The following SMURF1 variants were observed in gnomAD, a reference collection of about 807,000 sequenced individuals.
SMURF1 encodes the protein E3 ubiquitin-protein ligase SMURF1.
A neutral mutation model predicts 98.0 loss-of-function variants in SMURF1; 44 were observed. The ratio of observed to expected loss-of-function variants is 0.45; its 90% CI spans 0.35 to 0.58. The LOEUF is 0.58. Ranked by LOEUF, SMURF1 falls within the 20% of genes least tolerant of loss-of-function variation. SMURF1 has a pLI of 0.00. For synonymous variants in SMURF1, 396 were observed against 374.9 expected (o/e 1.06, Z -0.65); for missense variants, 687 against 938.4 (o/e 0.73, Z 3.50).
At chr7:99,098,155 G>T (rs1296796141) in intron 1 of SMURF1, among the ~76,000 whole-genome samples, 1 of 151,746 alleles carries the variant, frequency 6.6e-6, no homozygotes, top group Non-Finnish European at 1.5e-5. Context: ...TTTGCTATAA[G>T]AATAAACAAA....
At chr7:99,038,257 G>C in intron 14 of SMURF1, 131 bp downstream of exon 14, 1 of 1,135,884 alleles carries the variant, frequency 8.8e-7, no homozygotes, top group East Asian at 2.5e-5. Context: ...AGTCGCCTCT[G>C]TTCATGTGAT....
At chr7:99,127,306 C>G (rs942984537) in intron 1 of SMURF1, among the ~76,000 whole-genome samples, 3 of 152,136 alleles carry the variant, frequency 2.0e-5, no homozygotes, top group African/African-American at 7.2e-5. Flanking sequence ...ACACACAATG[C>G]TCCCATCTGT....
intron 1 of SMURF1, among the ~76,000 whole-genome samples, chr7:99,138,447 C>T (rs949909590): frequency 1.3e-5 from 2 of 152,050 alleles, no homozygotes; most frequent in Non-Finnish European, 2.9e-5. Context: ...TCATAAATAA[C>T]ACAGCCTCCA....
At chr7:99,052,964 T>A (rs1274440072) in intron 6 of SMURF1, among the ~76,000 whole-genome samples, 1 of 152,138 alleles carries the variant, frequency 6.6e-6, no homozygotes, top group Non-Finnish European at 1.5e-5. Context: ...CTCGGGAGGC[T>A]GAGAATTGCT....
chr7:99,102,093 A>G lies in SMURF1; in HGVS notation c.56-40256T>C, dbSNP rs139384417. ...CATTGTATATTGGCTACCCTTTTAT[A>G]TGGGCATACTAGGATTACACATTTT... On this transcript the variant is annotated intron_variant, in intron 1 of 17. Transcript: ENST00000361368. Among the ~76,000 whole-genome samples the G allele has an allele frequency of 6.2e-3, 948 of 152,294 alleles. 10 individuals are homozygous for G. Among genetic ancestry groups the G allele is most frequent in the African/African-American group, 0.022 (902 of 41,556 alleles).
At chr7:99,039,718 C>T (rs1302007828) in intron 13 of SMURF1, among the ~76,000 whole-genome samples, 2 of 152,164 alleles carry the variant, frequency 1.3e-5, no homozygotes, top group East Asian at 1.9e-4. Context: ...CAAGTTGGAA[C>T]ATGTGACACA....
intron 4 of SMURF1, 45 bp from the exon 5 acceptor site, chr7:99,057,315 G>T (rs758695923): frequency 6.2e-7 from 1 of 1,613,832 alleles, no homozygotes; most frequent in Non-Finnish European, 8.5e-7. Flanking sequence ...ACGTGAACTA[G>T]GGAGGAAGGC....
intron 8 of SMURF1, chr7:99,050,904 G>A: frequency 3.0e-6 from 3 of 1,016,448 alleles, no homozygotes; most frequent in East Asian, 3.2e-5. Context: ...TGGGGGGGGG[G>A]TCTCTCTAAC....
intron 6 of SMURF1, among the ~76,000 whole-genome samples, chr7:99,053,791 G>A (rs1563007351): frequency 6.6e-6 from 1 of 152,116 alleles, no homozygotes; most frequent in Admixed American, 6.6e-5. Flanking sequence ...TAATTCATGG[G>A]GGACTGCAAA....
chr7:99,099,137 G>C (rs952699621), intron 1 of SMURF1, among the ~76,000 whole-genome samples: 3 of 151,762 alleles, frequency 2.0e-5, no homozygotes, highest in Admixed American at 1.3e-4. Context: ...AGCCCGATGA[G>C]AAAAGGTCTT....
chr7:99,134,212 ATTTG>A (rs950411326), intron 1 of SMURF1, among the ~76,000 whole-genome samples: 3 of 151,044 alleles, frequency 2.0e-5, no homozygotes, highest in Middle Eastern at 3.4e-3. Context: ...CTCCTGAGCA[ATTTG>A]TTTATTTTTC....
intron 5 of SMURF1, among the ~76,000 whole-genome samples, chr7:99,056,685 G>A (rs1795883543): frequency 6.6e-6 from 1 of 152,106 alleles, no homozygotes; most frequent in Non-Finnish European, 1.5e-5. Flanking sequence ...CTGTACCCGA[G>A]TCATTTTTAC....
intron 1 of SMURF1, among the ~76,000 whole-genome samples, chr7:99,136,315 T>C (rs574046275): frequency 1.8e-4 from 27 of 152,368 alleles, no homozygotes; most frequent in African/African-American, 6.3e-4. Context: ...ACTGGCCTTT[T>C]CCTAATTGAT....
chr7:99,135,166 CAGTT>C (rs1214784197), intron 1 of SMURF1, among the ~76,000 whole-genome samples: 1 of 152,156 alleles, frequency 6.6e-6, no homozygotes, highest in Non-Finnish European at 1.5e-5. Context: ...AAACAATTGG[CAGTT>C]AGTGTACTTA....
chr7:99,049,818 C>A, intron 8 of SMURF1, 109 bp from the exon 9 acceptor site: 1 of 1,103,672 alleles, frequency 9.1e-7, no homozygotes, highest in East Asian at 2.4e-5. Context: ...GTCTGTGTCC[C>A]AGCTCTGCTA....
At position 99,060,646 on chromosome 7, in the gene SMURF1, G is replaced by A; in HGVS notation, c.156C>T (p.Asp52=). Residue 52 remains aspartate (D), a synonymous_variant, in exon 3 of 18, where the codon GAC becomes GAT. Transcript: ENST00000361368. The part of the protein sequence containing the change: ...VDGSGQCHST[D]TVKNTLDPKW... ...TTGGGTCCAATGTGTTTTTCACAGT[G>A]TCGGTTGAGTGGCACTGCCCAGACC... The A allele has an allele frequency of 6.2e-7, 1 of 1,613,872 alleles. No homozygotes were observed. Among genetic ancestry groups the A allele is most frequent in the Non-Finnish European group, 8.5e-7 (1 of 1,179,964 alleles).
intron 1 of SMURF1, among the ~76,000 whole-genome samples, chr7:99,069,312 C>G (rs1456847687): frequency 6.6e-6 from 1 of 152,114 alleles, no homozygotes; most frequent in African/African-American, 2.4e-5. Flanking sequence ...GGCTTTGTTC[C>G]CCAGCTAAGT....
At chr7:99,045,851 A>T (rs372782945) in intron 10 of SMURF1, 50 bp from the exon 11 acceptor site, 23 of 1,438,918 alleles carry the variant, frequency 1.6e-5, no homozygotes, top group Non-Finnish European at 2.3e-5. Flanking sequence ...TTATTCTTAA[A>T]GTTATGAAAG....
chr7:99,056,540 A>C (rs1795880432), intron 5 of SMURF1, among the ~76,000 whole-genome samples: 1 of 152,250 alleles, frequency 6.6e-6, no homozygotes, highest in African/African-American at 2.4e-5. Context: ...TGGGGCTTCC[A>C]GAAGAAACTA....
Sources: gnomAD v4.1 joint callset for allele counts (sites outside exome capture counted in the v4.1 genomes callset) on GRCh38, gnomAD v4.1.1 for gene constraint, MANE v1.5 for transcripts, NCBI Gene and HGNC (gene_info 2026-07-23, HGNC 2026-07-21) for gene names.